ZFHX3: variants seen among roughly 807,000 people sequenced by gnomAD.
The protein encoded by ZFHX3 is zinc finger homeobox protein 3.
In ZFHX3, 42 loss-of-function variants were observed where a neutral mutation model predicts 279.1. That is an observed-to-expected ratio of 0.15 (90% CI 0.12 to 0.19). The LOEUF (loss-of-function observed/expected upper bound fraction) is 0.19, where lower values mean the gene tolerates loss of function less well. Ranked by LOEUF, ZFHX3 falls within the 10% of genes least tolerant of loss-of-function variation. The pLI, the probability that ZFHX3 is intolerant of heterozygous loss-of-function variation, is 1.00. For missense variants in ZFHX3, 4,981 were observed against 4,754.0 expected (o/e 1.05, Z -1.40); for synonymous variants, 2,293 against 1,957.8 (o/e 1.17, Z -4.52).
chr16:73,244,862 G>C (rs1265540182), intron 5 of ZFHX3, among the ~76,000 whole-genome samples: 1 of 152,144 alleles, frequency 6.6e-6, no homozygotes, highest in African/African-American at 2.4e-5. Flanking sequence ...AACCAGCAGG[G>C]GTTGAGAAGA....
intron 4 of ZFHX3, among the ~76,000 whole-genome samples, chr16:72,831,939 C>G (rs2037070766): frequency 6.6e-6 from 1 of 152,134 alleles, no homozygotes; most frequent in African/African-American, 2.4e-5. Context: ...TGATTTTTCA[C>G]ACACAAAAAA....
chr16:72,938,796 G>T (rs1449212471), intron 3 of ZFHX3, among the ~76,000 whole-genome samples: 1 of 152,182 alleles, frequency 6.6e-6, no homozygotes, highest in Non-Finnish European at 1.5e-5. Flanking sequence ...GTCCCTGGAG[G>T]AGTTGTTTGG....
Position 72,787,784 on chromosome 16 carries a change from G to T in ZFHX3, c.10492C>A (p.Gln3498Lys), listed in dbSNP as rs773915431. ...CFFGQSVVNL[Q>K]EMVLHVPTGG... The stretch of plus-strand genomic sequence containing the variant: ...GTGGGGACGTGAAGCACCATCTCTT[G>T]CAGGTTCACCACAGACTGGCCGAAG... Residue 3498 changes from glutamine (Q) to lysine (K), a missense_variant, in exon 10 of 10, where the codon CAA becomes AAA. Transcript: ENST00000268489. 6 of 1,594,002 alleles carry T rather than the reference G, an allele frequency of 3.8e-6. No homozygotes were observed. In the East Asian group the frequency reaches 6.9e-5, roughly 18 times the overall value.
intron 4 of ZFHX3, among the ~76,000 whole-genome samples, chr16:72,846,108 T>TGGGGCA (rs1202573727): frequency 6.6e-6 from 1 of 152,126 alleles, no homozygotes; most frequent in African/African-American, 2.4e-5. Context: ...CCTGCTCTCA[T>TGGGGCA]GGGGCAGGGG....
chr16:73,458,402 G>GTCT (rs1423697113), intron 2 of ZFHX3, among the ~76,000 whole-genome samples: 1 of 129,158 alleles, frequency 7.7e-6, no homozygotes, highest in Non-Finnish European at 1.6e-5. Context: ...CCCTCCCTGA[G>GTCT]TCTTACTCAA....
chr16:73,485,633 A>G (rs1041275264), intron 2 of ZFHX3, among the ~76,000 whole-genome samples: 1 of 151,854 alleles, frequency 6.6e-6, no homozygotes, highest in South Asian at 2.1e-4. Flanking sequence ...AGCCACACTA[A>G]GTGTCTTTCT....
chr16:73,667,755 G>A (rs1471585149), intron 2 of ZFHX3, among the ~76,000 whole-genome samples: 1 of 152,190 alleles, frequency 6.6e-6, no homozygotes, highest in South Asian at 2.1e-4. Flanking sequence ...CTCATTTTGA[G>A]ATTAAGGTGG....
At chr16:73,831,650 G>A (rs1047750074) in intron 1 of ZFHX3, among the ~76,000 whole-genome samples, 1 of 152,162 alleles carries the variant, frequency 6.6e-6, no homozygotes, top group Non-Finnish European at 1.5e-5. Flanking sequence ...AAAATAATTG[G>A]CAATCCCACA....
intron 4 of ZFHX3, among the ~76,000 whole-genome samples, chr16:72,839,332 A>C (rs531199315): frequency 1.3e-5 from 2 of 152,224 alleles, no homozygotes; most frequent in South Asian, 2.1e-4. Context: ...AACTACCTTC[A>C]ATTGTACTTC....
At chr16:73,164,242 A>G (rs1967307287) in intron 5 of ZFHX3, among the ~76,000 whole-genome samples, 2 of 152,158 alleles carry the variant, frequency 1.3e-5, no homozygotes, top group Non-Finnish European at 2.9e-5. Context: ...TGAGTCATGC[A>G]TGGGTTGACT....
intron 4 of ZFHX3, among the ~76,000 whole-genome samples, chr16:72,831,167 G>A (rs1264933072): frequency 6.6e-6 from 1 of 152,154 alleles, no homozygotes; most frequent in Admixed American, 6.5e-5. Flanking sequence ...CACGAAGGAA[G>A]TAACAGGAGT....
In ZFHX3 at chr16:72,787,703, C is replaced by CGGG; in HGVS notation, c.10572_10573insCCC (p.Gly3524_Gly3525insPro). 1 of 1,317,906 alleles carries CGGG rather than the reference C, an allele frequency of 7.6e-7. No homozygotes were observed. Among genetic ancestry groups the CGGG allele is most frequent in the Non-Finnish European group, 1.0e-6 (1 of 1,003,392 alleles). 81.6% of individuals were successfully genotyped at this position (1,317,906 alleles called of 1,614,324 possible). ...GCCAGGCAGTGGTACGAGCCGCCGC[C>CGGG]GCCGCCGCCGCCGCCACCGCCGCCG... is the stretch of plus-strand genomic sequence containing the variant. On this transcript the variant is annotated inframe_insertion, in exon 10 of 10. Coordinates refer to ENST00000268489, the MANE Select transcript of ZFHX3 (RefSeq NM_006885.4).
At chr16:73,247,056 T>C (rs2013303149) in intron 5 of ZFHX3, among the ~76,000 whole-genome samples, 1 of 152,172 alleles carries the variant, frequency 6.6e-6, no homozygotes, top group Non-Finnish European at 1.5e-5. Context: ...TGTGTGTCTA[T>C]ATACCTGTAT....
chr16:73,691,321 C>T (rs974562), intron 1 of ZFHX3, among the ~76,000 whole-genome samples: 138,179 of 152,228 alleles, frequency 0.91, 63,102 homozygotes, highest in Non-Finnish European at 0.96. Flanking sequence ...TAAGATTTGG[C>T]AAAAAGAAAA....
chr16:73,781,214 C>T (rs1183301073), intron 1 of ZFHX3, among the ~76,000 whole-genome samples: 3 of 152,186 alleles, frequency 2.0e-5, no homozygotes, highest in Admixed American at 6.5e-5. Flanking sequence ...TCTGGAATCA[C>T]GATGCTTTTT....
At chr16:73,523,588 T>A (rs1471416756) in intron 2 of ZFHX3, among the ~76,000 whole-genome samples, 1 of 150,606 alleles carries the variant, frequency 6.6e-6, no homozygotes, top group African/African-American at 2.4e-5. Context: ...ATTTACACAG[T>A]GCTGGGGGTA....
intron 1 of ZFHX3, among the ~76,000 whole-genome samples, chr16:73,779,992 AAGCCTTTCTAAGACT>A (rs1368148258): frequency 0.031 from 1,639 of 52,214 alleles, 17 homozygotes; most frequent in Middle Eastern, 0.058. Flanking sequence ...ACTGGATCCC[AAGCCTTTCTAAGACT>A]TTTTTTTCTC....
rs191378814 is a variant in ZFHX3, at chr16:73,218,756, G to A, written c.-1104+38291C>T. On this transcript the variant is annotated intron_variant, in intron 5 of 17. Transcript: ENST00000641206. Reference sequence around the variant, plus strand: ...TGCCCTCCAGCCTGGGTGACAGAGCGAGACCCTGTCTCAAAAAATAAATAA... The same window carrying A: ...TGCCCTCCAGCCTGGGTGACAGAGCAAGACCCTGTCTCAAAAAATAAATAA... Among the ~76,000 whole-genome samples the A allele has an allele frequency of 2.6e-3, 399 of 152,240 alleles. 7 individuals are homozygous for A. In the South Asian group the frequency reaches 0.038, roughly 15 times the overall value.
chr16:72,803,848 T>G (rs1261124330), intron 7 of ZFHX3, among the ~76,000 whole-genome samples: 1 of 152,226 alleles, frequency 6.6e-6, no homozygotes, highest in Admixed American at 6.5e-5. Flanking sequence ...ATTACAGCAT[T>G]TTGGGTCTCT....
Sources: gnomAD v4.1 joint callset for allele counts (sites outside exome capture counted in the v4.1 genomes callset) on GRCh38, gnomAD v4.1.1 for gene constraint, MANE v1.5 for transcripts, NCBI Gene and HGNC (gene_info 2026-07-23, HGNC 2026-07-21) for gene names.